Variants in NIPAL2 observed in about 807,000 individuals in gnomAD.
NIPAL2 encodes the protein NIPA like domain containing 2.
In NIPAL2, 43 loss-of-function variants were observed where a neutral mutation model predicts 48.9. The ratio of observed to expected loss-of-function variants is 0.88; its 90% CI spans 0.69 to 1.13. The LOEUF (loss-of-function observed/expected upper bound fraction) is 1.13, where lower values mean the gene tolerates loss of function less well. Among genes scored for constraint, NIPAL2 ranks in the 50% most tolerant of loss-of-function variants. NIPAL2 has a pLI of 0.00. For synonymous variants in NIPAL2, 167 were observed against 174.6 expected (o/e 0.96, Z 0.34); for missense variants, 446 against 461.4 (o/e 0.97, Z 0.31).
At chr8:98,261,559 G>A (rs1310463372) in intron 1 of NIPAL2, among the ~76,000 whole-genome samples, 3 of 128,132 alleles carry the variant, frequency 2.3e-5, no homozygotes, top group East Asian at 2.3e-4. Context: ...GAAATGAAGC[G>A]AGAAGGGAAG....
intron 3 of NIPAL2, among the ~76,000 whole-genome samples, chr8:98,244,539 AT>A (rs1813189017): frequency 1.8e-5 from 1 of 54,176 alleles, no homozygotes; most frequent in African/African-American, 5.9e-5. Context: ...GTGGGCTGTG[AT>A]GATGAGAGGG....
chr8:98,245,232 G>A lies in NIPAL2; in HGVS notation c.376+7231C>T, dbSNP rs73283776. Among the ~76,000 whole-genome samples the A allele has an allele frequency of 6.0e-3, 908 of 152,288 alleles. 8 individuals are homozygous for A. Among genetic ancestry groups the A allele is most frequent in the African/African-American group, 0.02 (842 of 41,544 alleles). The stretch of plus-strand genomic sequence containing the variant: ...AGCTCCAAACACGTGGACACATCGA[G>A]CGTGCTCACAGGCAGAGTCAACTCT... On this transcript the variant is annotated intron_variant, in intron 3 of 10. Coordinates refer to ENST00000430223, the MANE Select transcript of NIPAL2 (RefSeq NM_001321635.2).
At chr8:98,220,534 A>G (rs1056580827) in intron 5 of NIPAL2, among the ~76,000 whole-genome samples, 3 of 151,322 alleles carry the variant, frequency 2.0e-5, no homozygotes, top group Non-Finnish European at 4.4e-5. Flanking sequence ...TCAACCTCCC[A>G]AGTAGCTGGG....
chr8:98,279,202 C>G (rs1373928562), intron 1 of NIPAL2, among the ~76,000 whole-genome samples: 4 of 152,104 alleles, frequency 2.6e-5, no homozygotes, highest in Non-Finnish European at 5.9e-5. Context: ...AGGAAAACTT[C>G]AAATTTGCAA....
chr8:98,291,661 A>T (rs990608634), intron 1 of NIPAL2, among the ~76,000 whole-genome samples: 1 of 152,190 alleles, frequency 6.6e-6, no homozygotes, highest in African/African-American at 2.4e-5. Flanking sequence ...TCTTGGGAAC[A>T]TTATCCTTCT....
intron 1 of NIPAL2, among the ~76,000 whole-genome samples, chr8:98,264,967 A>T (rs1194205747): frequency 1.3e-5 from 2 of 148,256 alleles, no homozygotes; most frequent in East Asian, 4.0e-4. Flanking sequence ...AGCCCTCAGA[A>T]ATAACGCCAC....
chr8:98,228,387 A>C (rs573668908), intron 4 of NIPAL2, among the ~76,000 whole-genome samples: 4 of 152,332 alleles, frequency 2.6e-5, no homozygotes, highest in African/African-American at 7.2e-5. Flanking sequence ...ACCCGCAGAA[A>C]TGTTGCATTT....
At chr8:98,244,950 G>T (rs143425609) in intron 3 of NIPAL2, among the ~76,000 whole-genome samples, 3 of 152,100 alleles carry the variant, frequency 2.0e-5, no homozygotes, top group South Asian at 2.1e-4. Context: ...AATTTATTAC[G>T]TCATCTCTGT....
Position 98,220,612 on chromosome 8 carries a change from G to A in NIPAL2, c.558+1867C>T, listed in dbSNP as rs544541607. 2.8e-4 allele frequency among the ~76,000 whole-genome samples: 42 copies of A among 152,152 alleles called. No homozygotes were observed. In the South Asian group the frequency reaches 7.5e-3, roughly 27 times the overall value. The stretch of plus-strand genomic sequence containing the variant: ...ATTTGTAGAGTTGAGGTCTTGTCAT[G>A]TTGCCAGACTGGTCTCAAACTCCTG... On this transcript the variant is annotated intron_variant, in intron 5 of 10. Coordinates refer to ENST00000430223, the MANE Select transcript of NIPAL2 (RefSeq NM_001321635.2).
intron 4 of NIPAL2, among the ~76,000 whole-genome samples, chr8:98,233,340 A>ATGTGTG (rs59700892): frequency 7.5e-4 from 113 of 149,816 alleles, no homozygotes; most frequent in Admixed American, 1.5e-3. Flanking sequence ...TGTTTTCTTG[A>ATGTGTG]TGTGTGTGTG....
intron 3 of NIPAL2, among the ~76,000 whole-genome samples, chr8:98,238,171 A>G (rs1217499675): frequency 2.0e-5 from 3 of 152,240 alleles, no homozygotes; most frequent in African/African-American, 7.2e-5. Flanking sequence ...ATTTATGAGT[A>G]TAGGCATGGG....
chr8:98,209,108 G>A (rs1325045607), intron 6 of NIPAL2, among the ~76,000 whole-genome samples: 1 of 152,102 alleles, frequency 6.6e-6, no homozygotes, highest in Non-Finnish European at 1.5e-5. Flanking sequence ...ATTTCTTAAA[G>A]AATCCTTCTT....
intron 1 of NIPAL2, among the ~76,000 whole-genome samples, chr8:98,287,443 G>A (rs1173790407): frequency 6.6e-6 from 1 of 152,194 alleles, no homozygotes; most frequent in Non-Finnish European, 1.5e-5. Context: ...CGTGAGGAAG[G>A]CACTAGATGC....
chr8:98,213,754 C>T (rs1811434715), intron 5 of NIPAL2, among the ~76,000 whole-genome samples: 1 of 152,164 alleles, frequency 6.6e-6, no homozygotes, highest in Non-Finnish European at 1.5e-5. Context: ...TCAAATGCCA[C>T]CTCTCTGAGA....
intron 9 of NIPAL2, among the ~76,000 whole-genome samples, 178 bp from the exon 10 acceptor site, chr8:98,195,000 A>G (rs1810479154): frequency 6.6e-6 from 1 of 152,130 alleles, no homozygotes; most frequent in Non-Finnish European, 1.5e-5. Flanking sequence ...TCTACCCAGA[A>G]CCAAGACTTG....
chr8:98,267,399 C>A (rs1814839341), intron 1 of NIPAL2, among the ~76,000 whole-genome samples: 1 of 151,528 alleles, frequency 6.6e-6, no homozygotes, highest in Non-Finnish European at 1.5e-5. Context: ...TGACAGCTCA[C>A]TGCAGCTTTG....
Position 98,192,835 on chromosome 8 carries a change from A to C in NIPAL2, c.*143T>G. Reference sequence around the variant, plus strand: ...GAGCTTAGGAAGTCCCCGATTGTCCATAGACGCTGAGGTGGGGGAAAGGAC... The same window carrying C: ...GAGCTTAGGAAGTCCCCGATTGTCCCTAGACGCTGAGGTGGGGGAAAGGAC... On this transcript the variant is annotated 3_prime_UTR_variant, in exon 11 of 11. Transcript: ENST00000430223. 2 of 634,244 alleles carry C rather than the reference A, an allele frequency of 3.2e-6. No homozygotes were observed. Among genetic ancestry groups the C allele is most frequent in the Non-Finnish European group, 5.6e-6 (2 of 354,650 alleles). 39.3% of individuals were successfully genotyped at this position (634,244 alleles called of 1,614,324 possible).
intron 1 of NIPAL2, among the ~76,000 whole-genome samples, chr8:98,274,705 A>G (rs1815358643): frequency 6.6e-6 from 1 of 152,062 alleles, no homozygotes; most frequent in African/African-American, 2.4e-5. Flanking sequence ...GAAAATAACT[A>G]GATTTTTTAA....
chr8:98,198,379 G>A (rs775257040), intron 8 of NIPAL2, among the ~76,000 whole-genome samples: 29 of 152,178 alleles, frequency 1.9e-4, no homozygotes, highest in Non-Finnish European at 3.5e-4. Flanking sequence ...AGGGCCCTAT[G>A]GTTTTCAGAA....
Sources: gnomAD v4.1 joint callset for allele counts (sites outside exome capture counted in the v4.1 genomes callset) on GRCh38, gnomAD v4.1.1 for gene constraint, MANE v1.5 for transcripts, NCBI Gene and HGNC (gene_info 2026-07-23, HGNC 2026-07-21) for gene names.